ACTR3C: variants seen among roughly 807,000 people sequenced by gnomAD.
ACTR3C encodes actin-related protein 3C.
Under a neutral mutation model 26.3 loss-of-function variants are expected in ACTR3C, and 18 were observed. The ratio of observed to expected loss-of-function variants is 0.68; its 90% CI spans 0.47 to 1.01. The LOEUF is 1.01. Among genes scored for constraint, ACTR3C ranks in the 50% least tolerant of loss-of-function variants. The pLI, the probability that ACTR3C is intolerant of heterozygous loss-of-function variation, is 0.00. For synonymous variants in ACTR3C, 55 were observed against 94.5 expected (o/e 0.58, Z 2.42); for missense variants, 184 against 250.7 (o/e 0.73, Z 1.80).
At chr7:149,967,121 G>A in the ACTR3C span, among the ~76,000 whole-genome samples, 121,550 of 146,974 alleles carry the variant, frequency 0.83, 53,575 homozygotes, top group Non-Finnish European at 0.98. Context: ...TGCAAGCTCC[G>A]CCTCCTGGGT....
chr7:149,909,141 G>A, the ACTR3C span, among the ~76,000 whole-genome samples: 2 of 151,582 alleles, frequency 1.3e-5, no homozygotes, highest in Admixed American at 6.6e-5. Context: ...GAAATAAAGA[G>A]TGAGTAGAAC....
At chr7:150,114,479 T>TA in the ACTR3C span, among the ~76,000 whole-genome samples, 3 of 151,430 alleles carry the variant, frequency 2.0e-5, no homozygotes, top group African/African-American at 4.9e-5. Flanking sequence ...AAGAAGCCAT[T>TA]AAAAAAAATA....
chr7:150,315,404 A>G (rs771280770), intron 1 of ACTR3C, among the ~76,000 whole-genome samples: 1 of 152,198 alleles, frequency 6.6e-6, no homozygotes, highest in Non-Finnish European at 1.5e-5. Context: ...AACGCCTACA[A>G]ATCAATCAGG....
chr7:150,192,704 G>T, the ACTR3C span, among the ~76,000 whole-genome samples: 2 of 152,156 alleles, frequency 1.3e-5, no homozygotes, highest in Middle Eastern at 3.2e-3. Context: ...TTATTTAATT[G>T]ATAACCTTAG....
At chr7:150,240,765 C>T (rs751517728), downstream of ACTR3C, among the ~76,000 whole-genome samples, 12 of 152,028 alleles carry the variant, frequency 7.9e-5, no homozygotes, top group Non-Finnish European at 1.3e-4. Context: ...AAGATATAAA[C>T]GAAGTAACAC....
the ACTR3C span, among the ~76,000 whole-genome samples, chr7:150,225,990 A>T: frequency 6.6e-6 from 1 of 152,230 alleles, no homozygotes; most frequent in Non-Finnish European, 1.5e-5. Context: ...AACAACATGC[A>T]TTTAAGATTC....
At chr7:150,175,601 G>T in the ACTR3C span, among the ~76,000 whole-genome samples, 37 of 149,770 alleles carry the variant, frequency 2.5e-4, no homozygotes, top group East Asian at 7.0e-3. Context: ...ATCACCTGAG[G>T]TCAGGAGTTT....
At chr7:150,003,550 G>T in the ACTR3C span, among the ~76,000 whole-genome samples, 1,764 of 151,128 alleles carry the variant, frequency 0.012, no homozygotes, top group African/African-American at 0.041. Context: ...TGCTGTGTGT[G>T]GTATGTAGGA....
intron 1 of ACTR3C, among the ~76,000 whole-genome samples, chr7:150,308,160 C>T (rs947516661): frequency 6.6e-6 from 1 of 152,148 alleles, no homozygotes; most frequent in Non-Finnish European, 1.5e-5. Context: ...CAAGTACAAC[C>T]TCCCCTGGGT....
chr7:150,262,608 G>C (rs949892818), intron 6 of ACTR3C, among the ~76,000 whole-genome samples: 2 of 152,202 alleles, frequency 1.3e-5, no homozygotes, highest in African/African-American at 4.8e-5. Flanking sequence ...ATAAGGCAGG[G>C]CTAAGAGTTT....
chr7:150,096,791 C>T, the ACTR3C span, among the ~76,000 whole-genome samples: 4 of 151,856 alleles, frequency 2.6e-5, 1 homozygote, highest in African/African-American at 7.3e-5. Context: ...TTGCTTGGAG[C>T]CACAGAAATG....
chr7:150,280,109 T>G (rs2530927), intron 6 of ACTR3C, among the ~76,000 whole-genome samples: 1 of 152,170 alleles, frequency 6.6e-6, no homozygotes, highest in Non-Finnish European at 1.5e-5. Context: ...TGATGGCGGT[T>G]CTCAGGTTAG....
At chr7:150,109,514 G>T in the ACTR3C span, among the ~76,000 whole-genome samples, 8 of 151,666 alleles carry the variant, frequency 5.3e-5, no homozygotes, top group African/African-American at 1.9e-4. Context: ...GCCGGTGTGT[G>T]CTCTTTACTT....
At chr7:149,896,299 G>C in the ACTR3C span, among the ~76,000 whole-genome samples, 6 of 152,260 alleles carry the variant, frequency 3.9e-5, no homozygotes, top group South Asian at 1.2e-3. Context: ...AGACTCTGAA[G>C]TTATGAAAAC....
At chr7:150,169,397 A>G in the ACTR3C span, among the ~76,000 whole-genome samples, 9 of 148,522 alleles carry the variant, frequency 6.1e-5, no homozygotes, top group East Asian at 5.8e-4. Flanking sequence ...GGAAAAAAAA[A>G]AAAAAAAAGA....
the ACTR3C span, among the ~76,000 whole-genome samples, chr7:150,023,033 A>C: frequency 1.3e-5 from 2 of 151,048 alleles, no homozygotes; most frequent in Non-Finnish European, 2.9e-5. Context: ...TATCATCTTC[A>C]TCCTTCCCAC....
the ACTR3C span, among the ~76,000 whole-genome samples, chr7:150,087,185 A>G: frequency 3.0e-3 from 393 of 129,544 alleles, no homozygotes; most frequent in Non-Finnish European, 4.6e-3. Context: ...ATTTGTTTAA[A>G]AAAAAAAAAA....
chr7:150,200,374 AATACACTGCAATG>A, the ACTR3C span, among the ~76,000 whole-genome samples: 1 of 152,238 alleles, frequency 6.6e-6, no homozygotes. Flanking sequence ...ATAGGTGGTA[AATACACTGCAATG>A]CATATATCTG....
chr7:150,189,652 G>T, the ACTR3C span, among the ~76,000 whole-genome samples: 8 of 121,802 alleles, frequency 6.6e-5, no homozygotes, highest in Non-Finnish European at 1.4e-4. Context: ...GCATTATTTG[G>T]TATTAGTCCC....
Sources: allele counts gnomAD v4.1 joint callset (sites outside exome capture counted in the v4.1 genomes callset), GRCh38; gene constraint gnomAD v4.1.1; transcripts MANE v1.5; gene names NCBI Gene and HGNC (gene_info 2026-07-23, HGNC 2026-07-21).